The following PPP2R5E variants were observed in gnomAD, a reference collection of about 807,000 sequenced individuals.
PPP2R5E encodes the protein protein phosphatase 2 regulatory subunit B'epsilon.
A neutral mutation model predicts 65.3 loss-of-function variants in PPP2R5E; 4 were observed. The observed-to-expected ratio is 0.06, with a 90% CI of 0.03 to 0.14. The LOEUF is 0.14. PPP2R5E is among the 10% of genes least tolerant of loss of function. The probability of loss-of-function intolerance (pLI) is 1.00; values close to 1 mark genes in which losing one functional copy is unlikely to be tolerated. For missense variants in PPP2R5E, 274 were observed against 556.1 expected (o/e 0.49, Z 5.10); for synonymous variants, 183 against 187.4 (o/e 0.98, Z 0.19).
intron 3 of PPP2R5E, chr14:63,453,487 G>C (rs375669394): frequency 1.9e-5 from 8 of 425,208 alleles, no homozygotes; most frequent in African/African-American, 1.6e-4. Context: ...CAGCACTGTC[G>C]TAGTTAAAGT....
intron 2 of PPP2R5E, among the ~76,000 whole-genome samples, chr14:63,526,153 C>T (rs908952113): frequency 1.3e-5 from 2 of 152,112 alleles, no homozygotes; most frequent in African/African-American, 4.8e-5. Flanking sequence ...AGCCACCATG[C>T]CTGGCCCTCT....
chr14:63,430,385 ACATACATACATACATG>A (rs1887593269), intron 3 of PPP2R5E, among the ~76,000 whole-genome samples: 14 of 140,808 alleles, frequency 9.9e-5, no homozygotes, highest in Admixed American at 6.9e-5. Context: ...ATGCATACAT[ACATACATACATACATG>A]CATACATACA....
chr14:63,418,288 T>A (rs1247250168), intron 4 of PPP2R5E, among the ~76,000 whole-genome samples: 1 of 152,152 alleles, frequency 6.6e-6, no homozygotes, highest in African/African-American at 2.4e-5. Flanking sequence ...GAGGGGAGAT[T>A]CTCATCTTCT....
At chr14:63,506,513 G>C (rs1210949767) in intron 2 of PPP2R5E, among the ~76,000 whole-genome samples, 1 of 152,118 alleles carries the variant, frequency 6.6e-6, no homozygotes, top group African/African-American at 2.4e-5. Flanking sequence ...CAAAGGATTT[G>C]AATAGACATT....
At chr14:63,407,941 G>A (rs1388407832) in intron 5 of PPP2R5E, among the ~76,000 whole-genome samples, 4 of 152,180 alleles carry the variant, frequency 2.6e-5, no homozygotes, top group African/African-American at 9.7e-5. Flanking sequence ...CTCCAGAACT[G>A]TAAGAAATAA....
At chr14:63,417,268 T>A (rs1167493507) in intron 4 of PPP2R5E, among the ~76,000 whole-genome samples, 1 of 152,230 alleles carries the variant, frequency 6.6e-6, no homozygotes, top group Non-Finnish European at 1.5e-5. Flanking sequence ...CTTTAAGCTT[T>A]GGGAAGCTGC....
At position 63,393,748 on chromosome 14, in the gene PPP2R5E, A is replaced by G. The variant is rs1885161821; in HGVS notation, c.849+72T>C. 11 of 1,034,522 alleles carry G rather than the reference A, an allele frequency of 1.1e-5. No individual in the cohort carries two copies. The Admixed American group carries it at 1.3e-4, about 12-fold the overall frequency. 64.1% of individuals were successfully genotyped at this position (1,034,522 alleles called of 1,614,324 possible). A position where few individuals can be genotyped will look rare whatever the true frequency, so the allele number is the denominator to read the frequency against. The stretch of plus-strand genomic sequence containing the variant: ...ACCAAAAAAACAAAATGAAGGTTAT[A>G]TCAATATCAAAAAAACGAGTTTGCA... On this transcript the variant is annotated intron_variant, in intron 8 of 13. Transcript: ENST00000337537.
chr14:63,442,680 T>C (rs184373956), intron 3 of PPP2R5E, among the ~76,000 whole-genome samples: 113 of 152,340 alleles, frequency 7.4e-4, no homozygotes, highest in Non-Finnish European at 8.7e-4. Flanking sequence ...GTTAATCTCT[T>C]ACTGTGACTA....
intron 11 of PPP2R5E, among the ~76,000 whole-genome samples, chr14:63,388,224 T>C (rs1196779284): frequency 6.6e-6 from 1 of 152,040 alleles, no homozygotes; most frequent in East Asian, 1.9e-4. Flanking sequence ...CACTGCAATC[T>C]CTGCCTTCCA....
chr14:63,467,050 C>A (rs187902477), intron 2 of PPP2R5E, among the ~76,000 whole-genome samples: 2,814 of 151,882 alleles, frequency 0.019, 99 homozygotes, highest in African/African-American at 0.065. Context: ...CACGGTGAAA[C>A]CCCGTCTCTA....
intron 2 of PPP2R5E, among the ~76,000 whole-genome samples, chr14:63,523,010 G>A (rs879225406): frequency 9.6e-5 from 14 of 146,368 alleles, no homozygotes; most frequent in East Asian, 2.1e-4. Flanking sequence ...GGTGAGGGGC[G>A]CCTCTGCCCG....
rs78289287 is a variant in PPP2R5E, at chr14:63,534,070, G to A, written c.157+5459C>T. The stretch of plus-strand genomic sequence containing the variant: ...ACTTACAGAATTGCTTAAAGTCAAC[G>A]CAAGGAAATGAGGCACAGGAGGCTG... On this transcript the variant is annotated intron_variant, in intron 2 of 13. Coordinates refer to ENST00000337537, the MANE Select transcript of PPP2R5E (RefSeq NM_006246.5). 2.1e-4 allele frequency among the ~76,000 whole-genome samples: 32 copies of A among 152,278 alleles called. 1 individual carries two copies. In the East Asian group the frequency reaches 5.6e-3, roughly 27 times the overall value.
At chr14:63,522,629 G>A (rs1353529200) in intron 2 of PPP2R5E, among the ~76,000 whole-genome samples, 6 of 145,442 alleles carry the variant, frequency 4.1e-5, no homozygotes, top group East Asian at 2.1e-4. Flanking sequence ...GCCTCTACCC[G>A]TCCGCGACCC....
chr14:63,470,037 C>T (rs1890037329), intron 2 of PPP2R5E, among the ~76,000 whole-genome samples: 2 of 151,066 alleles, frequency 1.3e-5, no homozygotes, highest in Admixed American at 1.3e-4. Flanking sequence ...AAAGAATAAA[C>T]AATGATTTTT....
intron 2 of PPP2R5E, among the ~76,000 whole-genome samples, chr14:63,481,450 C>T (rs1279940476): frequency 3.4e-5 from 5 of 148,430 alleles, no homozygotes; most frequent in Non-Finnish European, 7.4e-5. Context: ...GAGCCGAGAT[C>T]GCACCACTGC....
At chr14:63,503,360 G>C (rs562872788) in intron 2 of PPP2R5E, among the ~76,000 whole-genome samples, 1 of 152,144 alleles carries the variant, frequency 6.6e-6, no homozygotes, top group African/African-American at 2.4e-5. Context: ...GGCAGGAACA[G>C]GCCTCTATGT....
chr14:63,385,656 T>C (rs1884620248), intron 11 of PPP2R5E, among the ~76,000 whole-genome samples: 1 of 152,170 alleles, frequency 6.6e-6, no homozygotes, highest in Admixed American at 6.5e-5. Flanking sequence ...GCAAGTAGAA[T>C]GTATCATCCT....
chr14:63,530,355 C>T (rs888199633), intron 2 of PPP2R5E, among the ~76,000 whole-genome samples: 4 of 151,254 alleles, frequency 2.6e-5, no homozygotes, highest in South Asian at 2.1e-4. Flanking sequence ...GCCTCAGCCT[C>T]CCGAGTAGCT....
chr14:63,463,141 T>C (rs1889585001), intron 2 of PPP2R5E, among the ~76,000 whole-genome samples: 1 of 150,572 alleles, frequency 6.6e-6, no homozygotes, highest in Middle Eastern at 3.4e-3. Context: ...TTTTTGTTTT[T>C]GTTTTTGTTT....
Sources: gnomAD v4.1 joint callset for allele counts (sites outside exome capture counted in the v4.1 genomes callset) on GRCh38, gnomAD v4.1.1 for gene constraint, MANE v1.5 for transcripts, NCBI Gene and HGNC (gene_info 2026-07-23, HGNC 2026-07-21) for gene names.